CELF2: variants seen among roughly 807,000 people sequenced by gnomAD.
CELF2 encodes the protein CUG triplet repeat RNA-binding protein 2.
A neutral mutation model predicts 62.6 loss-of-function variants in CELF2; 8 were observed. The ratio of observed to expected loss-of-function variants is 0.13; its 90% CI spans 0.07 to 0.23. The LOEUF (loss-of-function observed/expected upper bound fraction) is 0.23, where lower values mean the gene tolerates loss of function less well. Ranked by LOEUF, CELF2 falls within the 10% of genes least tolerant of loss-of-function variation. CELF2 has a pLI of 1.00. For synonymous variants in CELF2, 258 were observed against 250.0 expected (o/e 1.03, Z -0.30); for missense variants, 333 against 671.0 (o/e 0.50, Z 5.56).
chr10:10,977,402 G>A (rs1336079776), intron 2 of CELF2, among the ~76,000 whole-genome samples: 1 of 152,140 alleles, frequency 6.6e-6, no homozygotes, highest in Non-Finnish European at 1.5e-5. Context: ...GTACACAGCA[G>A]ACACATTGTT....
chr10:10,794,122 G>A (rs1165845392), upstream of CELF2, among the ~76,000 whole-genome samples: 1 of 152,174 alleles, frequency 6.6e-6, no homozygotes, highest in African/African-American at 2.4e-5. Flanking sequence ...TTGCCACGCC[G>A]TGGTTTGCTA....
At chr10:10,716,799 T>C in the CELF2 span, among the ~76,000 whole-genome samples, 5 of 152,214 alleles carry the variant, frequency 3.3e-5, no homozygotes, top group African/African-American at 1.2e-4. Context: ...TGTTGGAACA[T>C]TCCAACACTT....
At chr10:11,190,152 A>T (rs72774002) in intron 2 of CELF2, among the ~76,000 whole-genome samples, 6,800 of 152,266 alleles carry the variant, frequency 0.045, 227 homozygotes, top group Non-Finnish European at 0.07. Flanking sequence ...CACATGTCTT[A>T]TCTCCTCCAA....
At chr10:11,155,746 G>A (rs1054492443) in intron 1 of CELF2, among the ~76,000 whole-genome samples, 4 of 152,182 alleles carry the variant, frequency 2.6e-5, no homozygotes, top group African/African-American at 9.7e-5. Context: ...CCCATGGACT[G>A]TCAACTTTTG....
chr10:11,002,101 C>T (rs143662626), upstream of CELF2, among the ~76,000 whole-genome samples: 341 of 152,276 alleles, frequency 2.2e-3, no homozygotes, highest in Middle Eastern at 6.8e-3. The surrounding 1 kb of genome is among the most constrained non-coding windows in gnomAD (Gnocchi z 4.4). Flanking sequence ...TTAATGGACT[C>T]ACAGTTCCAT....
chr10:11,276,929 G>T lies in CELF2; in HGVS notation c.841+1809G>T, dbSNP rs531980860. On this transcript the variant is annotated intron_variant, in intron 8 of 12. Coordinates refer to ENST00000633077, the MANE Select transcript of CELF2 (RefSeq NM_001326342.2). Reference sequence around the variant, plus strand: ...CGAGGAGCAGATGGCTAATTTAAAGGCAATCTGTATGTGCTCTGAGCCTCC... The same window carrying T: ...CGAGGAGCAGATGGCTAATTTAAAGTCAATCTGTATGTGCTCTGAGCCTCC... Among the ~76,000 whole-genome samples the T allele has an allele frequency of 7.3e-4, 111 of 152,330 alleles. 1 individual carries two copies. The highest frequency in any genetic ancestry group is 2.5e-3 in the African/African-American group (102 of 41,568).
In CELF2 at chr10:11,260,432, C is replaced by G. The variant is rs1294392791; in HGVS notation, c.538+2560C>G. On this transcript the variant is annotated intron_variant, in intron 5 of 12. Coordinates refer to ENST00000633077, the MANE Select transcript of CELF2 (RefSeq NM_001326342.2). This position sits in a 1 kb window ranked among gnomAD's most constrained non-coding sequence, Gnocchi z 4.2. Reference sequence around the variant, plus strand: ...GCATACATCAGTTATTTCTGCAGATCAGGTTTTAAAGCAGCCAGAACCTCC... The same window carrying G: ...GCATACATCAGTTATTTCTGCAGATGAGGTTTTAAAGCAGCCAGAACCTCC... Among the ~76,000 whole-genome samples the G allele has an allele frequency of 6.6e-6, 1 of 152,216 alleles. No homozygotes were observed. The highest frequency in any genetic ancestry group is 1.5e-5 in the Non-Finnish European group (1 of 68,044).
intron 1 of CELF2, among the ~76,000 whole-genome samples, chr10:11,095,199 T>A (rs2049465884): frequency 6.6e-6 from 1 of 152,214 alleles, no homozygotes; most frequent in African/African-American, 2.4e-5. Context: ...TTCCTATGAT[T>A]GTTAACCAGA....
chr10:11,045,255 G>C (rs1013124314), intron 1 of CELF2, among the ~76,000 whole-genome samples: 7 of 152,124 alleles, frequency 4.6e-5, no homozygotes, highest in African/African-American at 1.7e-4. Flanking sequence ...CTCAGGCTAA[G>C]AGCTGGGTTA....
At chr10:11,107,364 C>G (rs1463302524) in intron 1 of CELF2, among the ~76,000 whole-genome samples, 5 of 152,086 alleles carry the variant, frequency 3.3e-5, no homozygotes, top group African/African-American at 1.2e-4. Flanking sequence ...ATGTGGACAC[C>G]ACACACTTGT....
At chr10:10,761,105 A>C in the CELF2 span, among the ~76,000 whole-genome samples, 1 of 152,240 alleles carries the variant, frequency 6.6e-6, no homozygotes, top group South Asian at 2.1e-4. Flanking sequence ...ATTCCAAAAA[A>C]AAATCTTGAT....
At chr10:10,915,919 A>G (rs932714003) in intron 1 of CELF2, among the ~76,000 whole-genome samples, 2 of 152,260 alleles carry the variant, frequency 1.3e-5, no homozygotes, top group African/African-American at 4.8e-5. Flanking sequence ...AATATTTTGC[A>G]TGAATAAATA....
chr10:10,757,154 CACAA>C, the CELF2 span, among the ~76,000 whole-genome samples: 11 of 151,286 alleles, frequency 7.3e-5, no homozygotes, highest in African/African-American at 2.2e-4. Context: ...AAACAAAACA[CACAA>C]ACAAACAAAA....
chr10:11,270,226 G>A lies in CELF2; in HGVS notation c.619-440G>A, dbSNP rs1340792634. Among the ~76,000 whole-genome samples, 1 of 152,110 alleles carries A rather than the reference G, an allele frequency of 6.6e-6. No homozygotes were observed. The highest frequency in any genetic ancestry group is 1.5e-5 in the Non-Finnish European group (1 of 68,028). On this transcript the variant is annotated intron_variant, in intron 6 of 12. Transcript: ENST00000633077. This position sits in a 1 kb window ranked among gnomAD's most constrained non-coding sequence, Gnocchi z 5.8. Reference sequence around the variant, plus strand: ...TAAAAGATAAATGAATGAGAGACATGGCCATTCCCGTTACAGATTCTCCCC... The same window carrying A: ...TAAAAGATAAATGAATGAGAGACATAGCCATTCCCGTTACAGATTCTCCCC...
At chr10:10,497,853 A>G in the CELF2 span, among the ~76,000 whole-genome samples, 2 of 152,314 alleles carry the variant, frequency 1.3e-5, no homozygotes, top group Non-Finnish European at 1.5e-5. Context: ...TTGAGCAAGG[A>G]CATAACTGGA....
chr10:10,483,191 T>A, the CELF2 span, among the ~76,000 whole-genome samples: 1 of 142,492 alleles, frequency 7.0e-6, no homozygotes, highest in African/African-American at 2.6e-5. Flanking sequence ...TGGTAAACAG[T>A]TCAGTCCACA....
intron 9 of CELF2, among the ~76,000 whole-genome samples, chr10:11,308,541 G>A (rs2094393156): frequency 6.6e-6 from 1 of 152,112 alleles, no homozygotes; most frequent in Non-Finnish European, 1.5e-5. Context: ...GAGCCCTATG[G>A]TGAATTTTTC....
intron 1 of CELF2, among the ~76,000 whole-genome samples, chr10:10,812,645 C>T (rs886806581): frequency 2.0e-5 from 3 of 152,180 alleles, no homozygotes; most frequent in Admixed American, 6.5e-5. Context: ...TCTAATTTCA[C>T]CTGAGAACTT....
Position 11,319,650 on chromosome 10 carries a change from A to G in CELF2, c.1097-1539A>G, listed in dbSNP as rs2095312385. On this transcript the variant is annotated intron_variant, in intron 10 of 12. Coordinates refer to ENST00000633077, the MANE Select transcript of CELF2 (RefSeq NM_001326342.2). This position sits in a 1 kb window ranked among gnomAD's most constrained non-coding sequence, Gnocchi z 4.4. ...ACACCTCTGAACTGAGCCTGCACTC[A>G]GGAGGCTGCCACTCCATTCTCACGC... 1 of 411,334 alleles carries G rather than the reference A, an allele frequency of 2.4e-6. No homozygotes were observed. The allele number at this position is 411,334 out of a possible 1,614,324, so 25.5% of individuals were successfully genotyped here. A position where few individuals can be genotyped will look rare whatever the true frequency, so the allele number is the denominator to read the frequency against.
Sources: gnomAD v4.1 joint callset for allele counts (sites outside exome capture counted in the v4.1 genomes callset) on GRCh38, gnomAD v4.1.1 for gene constraint, Gnocchi (gnomAD v3.1) non-coding constraint, MANE v1.5 for transcripts, NCBI Gene and HGNC (gene_info 2026-07-23, HGNC 2026-07-21) for gene names.